PATJ: variants seen among roughly 807,000 people sequenced by gnomAD.
The protein encoded by PATJ is PATJ crumbs cell polarity complex component.
A neutral mutation model predicts 224.9 loss-of-function variants in PATJ; 190 were observed. The observed-to-expected ratio is 0.84, with a 90% CI of 0.75 to 0.95. The LOEUF is 0.95. Ranked by LOEUF, PATJ falls within the 40% of genes least tolerant of loss-of-function variation. The pLI is 0.00. For synonymous variants in PATJ, 769 were observed against 820.3 expected (o/e 0.94, Z 1.07); for missense variants, 2,121 against 2,270.3 (o/e 0.93, Z 1.34).
chr1:61,787,006 ACTAT>A lies in PATJ; in HGVS notation c.850-737_850-734del, dbSNP rs543922194. Among the ~76,000 whole-genome samples the A allele has an allele frequency of 2.2e-4, 33 of 147,484 alleles. No homozygotes were observed. The South Asian group carries it at 5.3e-3, about 24-fold the overall frequency. ...GACTCAAAACAAAACAAAACAAAAA[ACTAT>A]CTATCTATCTGTCTATCTATCTAGA... On this transcript the variant is annotated intron_variant, in intron 7 of 43. Transcript: ENST00000642238.
chr1:61,848,269 C>T (rs1662282680), intron 17 of PATJ, among the ~76,000 whole-genome samples: 2 of 152,188 alleles, frequency 1.3e-5, no homozygotes, highest in Non-Finnish European at 2.9e-5. Context: ...AAACTTGTCT[C>T]TTCTAATCCA....
rs369813733 is a variant in PATJ, at chr1:62,121,148, T to A, written c.4891-33T>A. ...GCATTTAGGGGGTCAAGTCAGTGTC[T>A]GCACACAGGTGACCCCTGGGTCTTT... On this transcript the variant is annotated intron_variant, in intron 37 of 43. Transcript: ENST00000642238. 5 of 1,387,370 alleles carry A rather than the reference T, an allele frequency of 3.6e-6. No individual in the cohort carries two copies. In the African/African-American group the frequency reaches 7.2e-5, roughly 20 times the overall value. The allele number at this position is 1,387,370 out of a possible 1,614,324, so 85.9% of individuals were successfully genotyped here. A position where few individuals can be genotyped will look rare whatever the true frequency, so the allele number is the denominator to read the frequency against.
intron 26 of PATJ, among the ~76,000 whole-genome samples, chr1:61,923,121 C>A (rs917714238): frequency 6.6e-6 from 1 of 152,210 alleles, no homozygotes; most frequent in African/African-American, 2.4e-5. Flanking sequence ...TACCAAAAGT[C>A]AACTGAGTTA....
chr1:61,862,398 C>T (rs1442656716), intron 19 of PATJ, among the ~76,000 whole-genome samples: 5 of 152,026 alleles, frequency 3.3e-5, no homozygotes, highest in African/African-American at 9.7e-5. Context: ...GGTTTCGCCA[C>T]GTTGGCCAGG....
intron 43 of PATJ, among the ~76,000 whole-genome samples, chr1:62,155,736 GC>G (rs1437348832): frequency 2.0e-5 from 3 of 151,030 alleles, no homozygotes; most frequent in Non-Finnish European, 4.4e-5. Flanking sequence ...TTATCCAGTG[GC>G]CCACTTAGCG....
chr1:62,007,454 C>CT (rs553975139), intron 28 of PATJ, among the ~76,000 whole-genome samples: 5 of 152,128 alleles, frequency 3.3e-5, no homozygotes, highest in Non-Finnish European at 5.9e-5. Flanking sequence ...TCTTTTGTAT[C>CT]TTTTTGGATG....
At chr1:61,856,468 A>G (rs1212405477) in intron 18 of PATJ, among the ~76,000 whole-genome samples, 1 of 152,222 alleles carries the variant, frequency 6.6e-6, no homozygotes, top group African/African-American at 2.4e-5. Flanking sequence ...ATAGCATATT[A>G]TTACATAAAT....
intron 43 of PATJ, among the ~76,000 whole-genome samples, chr1:62,154,646 T>G (rs1324831454): frequency 1.3e-5 from 1 of 77,492 alleles, no homozygotes; most frequent in African/African-American, 5.6e-5. Flanking sequence ...GGGCAATCCA[T>G]CTCAAAAAAA....
intron 33 of PATJ, among the ~76,000 whole-genome samples, chr1:62,094,701 C>T (rs990582212): frequency 2.0e-5 from 3 of 152,082 alleles, no homozygotes; most frequent in Non-Finnish European, 4.4e-5. Context: ...TTATAATGCC[C>T]ACTTACGTTA....
chr1:61,855,656 C>T (rs994323210), intron 17 of PATJ, among the ~76,000 whole-genome samples: 2 of 152,196 alleles, frequency 1.3e-5, no homozygotes, highest in Non-Finnish European at 2.9e-5. Context: ...TCAAGCAATC[C>T]TCCTGCCTTG....
intron 27 of PATJ, among the ~76,000 whole-genome samples, chr1:61,953,031 G>A (rs560360119): frequency 3.3e-5 from 5 of 152,166 alleles, no homozygotes; most frequent in East Asian, 1.9e-4. Context: ...ATTTAAATTC[G>A]TTAGGGGTGG....
intron 27 of PATJ, among the ~76,000 whole-genome samples, chr1:61,945,249 G>A (rs1678491543): frequency 1.3e-5 from 2 of 152,082 alleles, no homozygotes; most frequent in Non-Finnish European, 2.9e-5. Flanking sequence ...ATGTAAATGG[G>A]CTAAATGCTC....
At chr1:62,085,180 T>C (rs1659802470) in intron 33 of PATJ, among the ~76,000 whole-genome samples, 1 of 152,102 alleles carries the variant, frequency 6.6e-6, no homozygotes, top group Non-Finnish European at 1.5e-5. Context: ...GAGAATCACT[T>C]GAACCCAGGA....
intron 31 of PATJ, among the ~76,000 whole-genome samples, chr1:62,060,067 T>C (rs1217719926): frequency 6.6e-6 from 1 of 152,204 alleles, no homozygotes; most frequent in Non-Finnish European, 1.5e-5. Context: ...GTCACTATAA[T>C]GGGCACTTTA....
chr1:61,927,727 C>T lies in PATJ; in HGVS notation c.3571-3C>T. ...ACCCTTCTCTCAAATTTTGCATCTT[C>T]AGAGGCAAGGAACTGCTCCACCGCC... On this transcript the variant is annotated splice_region_variant and splice_polypyrimidine_tract_variant and intron_variant, in intron 26 of 43. Coordinates refer to ENST00000642238, the MANE Select transcript of PATJ (RefSeq NM_001350145.3). The T allele has an allele frequency of 6.2e-7, 1 of 1,606,280 alleles. No homozygotes were observed. The highest frequency in any genetic ancestry group is 1.1e-5 in the South Asian group (1 of 90,114).
In PATJ at chr1:61,901,693, CTT is replaced by C. The variant is rs552464098; in HGVS notation, c.3381+236_3381+237del. Among the ~76,000 whole-genome samples, 22 of 152,282 alleles carry C rather than the reference CTT, an allele frequency of 1.4e-4. 2 individuals are homozygous for C. The East Asian group carries it at 4.2e-3, about 29-fold the overall frequency. On this transcript the variant is annotated intron_variant, in intron 24 of 43. Transcript: ENST00000642238. ...AACTTCAGCTGATTGCAAAAAAACA[CTT>C]TAACTAACAAAGGGCTCTATATAGA...
At chr1:61,806,631 A>G (rs996075202) in intron 13 of PATJ, among the ~76,000 whole-genome samples, 3 of 151,952 alleles carry the variant, frequency 2.0e-5, no homozygotes, top group East Asian at 3.9e-4. Flanking sequence ...AAAAAAAAAA[A>G]AAAAGATGAG....
At chr1:61,941,700 T>G (rs577210894) in intron 27 of PATJ, among the ~76,000 whole-genome samples, 148 of 152,312 alleles carry the variant, frequency 9.7e-4, no homozygotes, top group Non-Finnish European at 1.8e-3. Flanking sequence ...AATAGTCATA[T>G]TAACTGTCAA....
intron 29 of PATJ, among the ~76,000 whole-genome samples, chr1:62,020,421 G>A (rs1412484292): frequency 6.6e-6 from 1 of 152,092 alleles, no homozygotes; most frequent in Non-Finnish European, 1.5e-5. Context: ...AGAGCAAAAA[G>A]AAAATTGAAT....
Sources: allele counts gnomAD v4.1 joint callset (sites outside exome capture counted in the v4.1 genomes callset), GRCh38; gene constraint gnomAD v4.1.1; transcripts MANE v1.5; gene names NCBI Gene and HGNC (gene_info 2026-07-23, HGNC 2026-07-21).